The following STK32C variants were observed in gnomAD, a reference collection of about 807,000 sequenced individuals.
STK32C encodes serine/threonine kinase 32C, also known as serine/threonine-protein kinase 32C.
Under a neutral mutation model 56.5 loss-of-function variants are expected in STK32C, and 31 were observed. The observed-to-expected ratio is 0.55, with a 90% CI of 0.41 to 0.74. The LOEUF is 0.74. Among genes scored for constraint, STK32C ranks in the 30% least tolerant of loss-of-function variants. The pLI is 0.00. For missense variants in STK32C, 544 were observed against 676.9 expected (o/e 0.80, Z 2.18); for synonymous variants, 309 against 289.4 (o/e 1.07, Z -0.69).
At chr10:132,311,211 T>C (rs1435241531), upstream of STK32C, among the ~76,000 whole-genome samples, 2 of 152,220 alleles carry the variant, frequency 1.3e-5, no homozygotes, top group Non-Finnish European at 2.9e-5. This position sits in a 1 kb window ranked among gnomAD's most constrained non-coding sequence, Gnocchi z 4.4. Flanking sequence ...AATTAACACA[T>C]GCTCTGCCCA....
chr10:132,264,696 C>A (rs1457257462), intron 1 of STK32C, among the ~76,000 whole-genome samples: 1 of 152,152 alleles, frequency 6.6e-6, no homozygotes, highest in African/African-American at 2.4e-5. Context: ...CCTAGTGGGG[C>A]TCGCATGGGG....
intron 1 of STK32C, among the ~76,000 whole-genome samples, chr10:132,285,387 G>A (rs1410941096): frequency 2.0e-5 from 3 of 152,182 alleles, no homozygotes; most frequent in East Asian, 1.9e-4. Flanking sequence ...CAATAATGAC[G>A]CTAACATTCC....
In STK32C at chr10:132,280,670, C is replaced by A. The variant is rs150069989; in HGVS notation, c.262+26902G>T. ...CACTCCATGATCACCACACTCCACT[C>A]CGTGATCACGCACCTCCACTCCGTG... On this transcript the variant is annotated intron_variant, in intron 1 of 11. Coordinates refer to ENST00000298630, the MANE Select transcript of STK32C (RefSeq NM_173575.4). Among the ~76,000 whole-genome samples the A allele has an allele frequency of 9.2e-3, 1,380 of 150,266 alleles. 22 individuals are homozygous for A. Among genetic ancestry groups the A allele is most frequent in the African/African-American group, 0.032 (1,304 of 40,380 alleles).
At chr10:132,276,511 G>A (rs1217614689) in intron 1 of STK32C, among the ~76,000 whole-genome samples, 1 of 152,214 alleles carries the variant, frequency 6.6e-6, no homozygotes, top group Non-Finnish European at 1.5e-5. Context: ...GCGAGGCACG[G>A]CGGCTCACGC....
intron 1 of STK32C, among the ~76,000 whole-genome samples, chr10:132,280,458 T>C (rs528506977): frequency 2.8e-4 from 40 of 143,648 alleles, no homozygotes; most frequent in Admixed American, 2.7e-3. Context: ...CTGCACCCCA[T>C]GATCACGCCC....
intron 1 of STK32C, among the ~76,000 whole-genome samples, chr10:132,258,988 A>G (rs927627465): frequency 8.5e-5 from 13 of 152,362 alleles, no homozygotes; most frequent in African/African-American, 2.9e-4. Flanking sequence ...AACTAAAAGC[A>G]TTCACTCGAC....
chr10:132,210,886 C>T (rs2062275201), intron 10 of STK32C, among the ~76,000 whole-genome samples: 1 of 152,246 alleles, frequency 6.6e-6, no homozygotes, highest in Non-Finnish European at 1.5e-5. Context: ...CTCTCTCTTC[C>T]TAGCCCTGAG....
upstream of STK32C, among the ~76,000 whole-genome samples, chr10:132,312,313 G>A (rs4880365): frequency 0.062 from 9,437 of 152,024 alleles, 487 homozygotes; most frequent in Admixed American, 0.12. Flanking sequence ...CCAGCCTCTC[G>A]TCTAAATATT....
intron 1 of STK32C, among the ~76,000 whole-genome samples, chr10:132,253,351 G>A (rs1297982921): frequency 1.3e-5 from 2 of 152,048 alleles, no homozygotes; most frequent in Non-Finnish European, 2.9e-5. Flanking sequence ...GGAGCCGAGG[G>A]AGCTGGAGAG....
chr10:132,311,094 A>T (rs755253581), upstream of STK32C, among the ~76,000 whole-genome samples: 2 of 152,160 alleles, frequency 1.3e-5, no homozygotes, highest in Non-Finnish European at 2.9e-5. The surrounding 1 kb of genome is among the most constrained non-coding windows in gnomAD (Gnocchi z 4.4). Context: ...CCATAAAGCC[A>T]CGCCTCCTGA....
chr10:132,291,030 C>T (rs993303388), intron 1 of STK32C, among the ~76,000 whole-genome samples: 2 of 152,230 alleles, frequency 1.3e-5, no homozygotes, highest in Non-Finnish European at 2.9e-5. Flanking sequence ...CTCCTGCATT[C>T]GATAACAGCC....
chr10:132,224,290 T>C, intron 8 of STK32C, 117 bp downstream of exon 8: 1 of 755,404 alleles, frequency 1.3e-6, no homozygotes, highest in Non-Finnish European at 2.2e-6. Context: ...TGAAGGGATC[T>C]GTGCCTGCCA....
upstream of STK32C, among the ~76,000 whole-genome samples, chr10:132,311,045 C>T (rs1213714696): frequency 6.6e-6 from 1 of 152,084 alleles, no homozygotes; most frequent in Non-Finnish European, 1.5e-5. This position sits in a 1 kb window ranked among gnomAD's most constrained non-coding sequence, Gnocchi z 4.4. Flanking sequence ...AGGTGCAGTC[C>T]CTGACACCAG....
At chr10:132,268,919 G>A (rs562117872) in intron 1 of STK32C, among the ~76,000 whole-genome samples, 108 of 139,832 alleles carry the variant, frequency 7.7e-4, no homozygotes, top group African/African-American at 2.7e-3. Context: ...GTGCATGCAG[G>A]TTCAGCTCTA....
chr10:132,237,650 C>T (rs941863977), intron 2 of STK32C, among the ~76,000 whole-genome samples: 18 of 152,196 alleles, frequency 1.2e-4, no homozygotes, highest in South Asian at 4.1e-4. Flanking sequence ...AGTGTGCCGG[C>T]GGGGCTGGCC....
intron 1 of STK32C, among the ~76,000 whole-genome samples, chr10:132,276,994 A>T (rs964700325): frequency 6.6e-6 from 1 of 152,188 alleles, no homozygotes; most frequent in East Asian, 1.9e-4. Context: ...TTCCAGCTCA[A>T]AGGATTGGAT....
chr10:132,298,845 G>C (rs2065833300), intron 1 of STK32C, among the ~76,000 whole-genome samples: 1 of 152,192 alleles, frequency 6.6e-6, no homozygotes, highest in African/African-American at 2.4e-5. Context: ...TCAGGTGACA[G>C]CAGCCCCAGC....
At chr10:132,286,827 C>T (rs1320554528) in intron 1 of STK32C, among the ~76,000 whole-genome samples, 1 of 152,186 alleles carries the variant, frequency 6.6e-6, no homozygotes, top group Non-Finnish European at 1.5e-5. Flanking sequence ...GACTGCTTCC[C>T]CCTAAGACCA....
At chr10:132,293,259 G>A (rs1023165664) in intron 1 of STK32C, among the ~76,000 whole-genome samples, 5 of 152,232 alleles carry the variant, frequency 3.3e-5, no homozygotes, top group Non-Finnish European at 7.3e-5. Flanking sequence ...ACCCAGGCCT[G>A]GCGCCTGGCG....
Sources: allele counts gnomAD v4.1 joint callset (sites outside exome capture counted in the v4.1 genomes callset), GRCh38; gene constraint gnomAD v4.1.1; non-coding constraint Gnocchi (gnomAD v3.1); transcripts MANE v1.5; gene names NCBI Gene and HGNC (gene_info 2026-07-23, HGNC 2026-07-21).